EPB41L5: variants seen among roughly 807,000 people sequenced by gnomAD.
EPB41L5 encodes band 4.1-like protein 5.
EPB41L5 carries 55 observed loss-of-function variants against 106.6 expected under a neutral mutation model. That is an observed-to-expected ratio of 0.52 (90% CI 0.42 to 0.65). EPB41L5 has a LOEUF of 0.65. Among genes scored for constraint, EPB41L5 ranks in the 30% least tolerant of loss-of-function variants. The pLI is 0.00. For synonymous variants in EPB41L5, 297 were observed against 306.7 expected, an observed-to-expected ratio of 0.97 and a Z score of 0.33; for missense variants, 871 against 882.1, an observed-to-expected ratio of 0.99 and a Z score of 0.16.
chr2:120,047,042 C>T (rs914772021), intron 3 of EPB41L5, among the ~76,000 whole-genome samples: 1 of 152,118 alleles, frequency 6.6e-6, no homozygotes, highest in African/African-American at 2.4e-5. Flanking sequence ...GTACCAGTAC[C>T]ATGCTGTTTT....
At chr2:120,143,392 T>C (rs1288886055) in intron 19 of EPB41L5, among the ~76,000 whole-genome samples, 1 of 152,136 alleles carries the variant, frequency 6.6e-6, no homozygotes, top group Admixed American at 6.5e-5. Context: ...AATCTATGAT[T>C]CTAGGTCTGT....
At position 120,127,759 on chromosome 2, in the gene EPB41L5, C is replaced by T; in HGVS notation, c.1409C>T (p.Ala470Val). 1.2e-6 allele frequency: 2 copies of T among 1,613,664 alleles called. No homozygotes were observed. Among genetic ancestry groups the T allele is most frequent in the Non-Finnish European group, 1.7e-6 (2 of 1,179,686 alleles). The change falls in exon 17 of 25, where the codon GCA becomes GTA. Residue 470 changes from alanine (A) to valine (V), a missense_variant. Transcript: ENST00000263713. ...GCAACGATTGGTGATGTAATTGGGGCATCTGACACTATGGAAACATCCCAA... is the reference window on the plus strand; with the variant it reads ...GCAACGATTGGTGATGTAATTGGGGTATCTGACACTATGGAAACATCCCAA... ...LEATIGDVIG[A>V]SDTMETSQAL...
chr2:120,073,367 A>G, intron 4 of EPB41L5, 147 bp downstream of exon 4: 1 of 697,082 alleles, frequency 1.4e-6, no homozygotes, highest in Admixed American at 3.3e-5. Context: ...TGATACACTG[A>G]GCTACTCCCC....
intron 16 of EPB41L5, among the ~76,000 whole-genome samples, chr2:120,121,836 A>G (rs1412017827): frequency 6.6e-6 from 1 of 152,156 alleles, no homozygotes; most frequent in Non-Finnish European, 1.5e-5. Context: ...CCTCTCCAGC[A>G]TCTGTTGTTT....
intron 1 of EPB41L5, among the ~76,000 whole-genome samples, chr2:120,016,035 G>A (rs1279436180): frequency 6.6e-6 from 1 of 151,844 alleles, no homozygotes; most frequent in African/African-American, 2.4e-5. Context: ...GTTATGCTCC[G>A]AAAAATCCTG....
chr2:120,079,658 A>G (rs1682506581), intron 10 of EPB41L5, among the ~76,000 whole-genome samples: 1 of 152,050 alleles, frequency 6.6e-6, no homozygotes, highest in Non-Finnish European at 1.5e-5. Context: ...CACAACTGGT[A>G]TTACATTTCC....
chr2:120,086,105 G>A (rs1048653133), intron 10 of EPB41L5, among the ~76,000 whole-genome samples: 33 of 152,298 alleles, frequency 2.2e-4, no homozygotes, highest in African/African-American at 6.5e-4. Flanking sequence ...GGAGGCTGAG[G>A]CAGGAGAATT....
At chr2:120,122,671 T>A (rs141849010) in intron 16 of EPB41L5, among the ~76,000 whole-genome samples, 2,736 of 152,296 alleles carry the variant, frequency 0.018, 42 homozygotes, top group Non-Finnish European at 0.026. Flanking sequence ...TCTTTTTTGG[T>A]TCCATATGAA....
chr2:120,060,615 G>A lies in EPB41L5; in HGVS notation c.286-12563G>A, dbSNP rs183536656. Among the ~76,000 whole-genome samples, 35 of 152,258 alleles carry A rather than the reference G, an allele frequency of 2.3e-4. No homozygotes were observed. The East Asian group carries it at 6.6e-3, about 29-fold the overall frequency. ...TGGTTGCTAAGGGTTAGGGATATTG[G>A]CGTTGGGGGAGTGGTGACTATAAAT... On this transcript the variant is annotated intron_variant, in intron 3 of 24. Transcript: ENST00000263713.
chr2:120,076,470 CTTTTTTTTTTT>C (rs35333671), intron 7 of EPB41L5, among the ~76,000 whole-genome samples: 2 of 58,898 alleles, frequency 3.4e-5, no homozygotes, highest in Non-Finnish European at 2.8e-5. Context: ...AATTTTTGTA[CTTTTTTTTTTT>C]TTTTTTTTTT....
At position 120,148,405 on chromosome 2, in the gene EPB41L5, A is replaced by G. The variant is rs565931605; in HGVS notation, c.1793+2116A>G. ...CTAGTTCTCATATATACTCATCCTC[A>G]TTCTACCTTACCTAAGGTCTTCATA... On this transcript the variant is annotated intron_variant, in intron 20 of 24. Transcript: ENST00000263713. Among the ~76,000 whole-genome samples the G allele has an allele frequency of 1.1e-3, 163 of 152,028 alleles. 1 individual carries two copies. The highest frequency in any genetic ancestry group is 3.7e-3 in the African/African-American group (154 of 41,504).
chr2:120,046,746 C>G (rs1679806779), intron 3 of EPB41L5, among the ~76,000 whole-genome samples: 2 of 152,120 alleles, frequency 1.3e-5, no homozygotes, highest in Admixed American at 1.3e-4. Flanking sequence ...TGCCTATATC[C>G]TGAATGGTAT....
intron 21 of EPB41L5, among the ~76,000 whole-genome samples, chr2:120,163,522 T>C (rs1687234714): frequency 6.6e-6 from 1 of 151,728 alleles, no homozygotes; most frequent in Admixed American, 6.6e-5. Context: ...CCCATAAGTC[T>C]AGATAAAGGA....
chr2:120,077,331 G>GTGA lies in EPB41L5; in HGVS notation c.714+18_714+20dup. ...ATGTGGTCAAGGTAAGCATTGTGTT[G>GTGA]TGATGCTTTTTTAAAAATTTATTCT... On this transcript the variant is annotated intron_variant, in intron 9 of 24. Transcript: ENST00000263713. The GTGA allele has an allele frequency of 1.9e-6, 3 of 1,591,448 alleles. No homozygotes were observed. Among genetic ancestry groups the GTGA allele is most frequent in the Non-Finnish European group, 2.6e-6 (3 of 1,168,590 alleles).
intron 2 of EPB41L5, among the ~76,000 whole-genome samples, chr2:120,021,833 TCAAC>T (rs1354716265): frequency 1.3e-5 from 2 of 152,252 alleles, no homozygotes; most frequent in Non-Finnish European, 2.9e-5. Context: ...ATTTATTTTC[TCAAC>T]CAGTCTACTG....
chr2:120,127,697 G>A lies in EPB41L5; in HGVS notation c.1347G>A (p.Leu449=). Reference sequence around the variant, plus strand: ...TCTATTTCCATTGCAGCATTCCTCTGAATATTGATTTGCTGAATAGCCCAG... The same window carrying A: ...TCTATTTCCATTGCAGCATTCCTCTAAATATTGATTTGCTGAATAGCCCAG... ...TDQHDRKCIP[L]NIDLLNSPDL... is the part of the protein sequence containing the mutation. The change falls in exon 17 of 25, where the codon CTG becomes CTA. Residue 449 remains leucine, a synonymous_variant. Transcript: ENST00000263713. 6.2e-7 allele frequency: 1 copy of A among 1,600,230 alleles called. No homozygotes were observed. Among genetic ancestry groups the A allele is most frequent in the Middle Eastern group, 1.7e-4 (1 of 6,034 alleles).
chr2:120,124,144 A>C (rs886766260), intron 16 of EPB41L5, among the ~76,000 whole-genome samples: 6 of 152,338 alleles, frequency 3.9e-5, no homozygotes, highest in Admixed American at 3.3e-4. Flanking sequence ...AGAGGCCATC[A>C]TAGAACCAGT....
rs568613481 is a variant in EPB41L5 at position 120,172,467 on chromosome 2, T to C, written c.2136-2374T>C. Reference sequence around the variant, plus strand: ...AGACTTTACTGACAGCTGGAGATATTGGAGCAGTGTGCTTTCTGAATTCTG... The same window carrying C: ...AGACTTTACTGACAGCTGGAGATATCGGAGCAGTGTGCTTTCTGAATTCTG... On this transcript the variant is annotated intron_variant, in intron 24 of 24. Transcript: ENST00000263713. Among the ~76,000 whole-genome samples, 143 of 152,326 alleles carry C rather than the reference T, an allele frequency of 9.4e-4. 2 individuals are homozygous for C. Among genetic ancestry groups the C allele is most frequent in the Admixed American group, 1.0e-3 (16 of 15,306 alleles).
chr2:120,114,812 G>A (rs1684876539), intron 16 of EPB41L5, among the ~76,000 whole-genome samples: 1 of 152,132 alleles, frequency 6.6e-6, no homozygotes, highest in Admixed American at 6.5e-5. Context: ...TTTGGTTTAT[G>A]ATACTGTTCA....
Sources: allele counts gnomAD v4.1 joint callset (sites outside exome capture counted in the v4.1 genomes callset), GRCh38; gene constraint gnomAD v4.1.1; transcripts MANE v1.5; gene names NCBI Gene and HGNC (gene_info 2026-07-23, HGNC 2026-07-21).